ZFAND6: variants seen among roughly 807,000 people sequenced by gnomAD.
ZFAND6 encodes zinc finger AN1-type containing 6.
In ZFAND6, 12 loss-of-function variants were observed where a neutral mutation model predicts 24.5. The ratio of observed to expected loss-of-function variants is 0.49; its 90% CI spans 0.31 to 0.79. ZFAND6 has a LOEUF of 0.79. Ranked by LOEUF, ZFAND6 falls within the 30% of genes least tolerant of loss-of-function variation. The pLI, the probability that ZFAND6 is intolerant of heterozygous loss-of-function variation, is 0.04. For synonymous variants in ZFAND6, 92 were observed against 81.5 expected, an observed-to-expected ratio of 1.13 and a Z score of -0.69; for missense variants, 207 against 245.9, an observed-to-expected ratio of 0.84 and a Z score of 1.06.
chr15:80,068,139 TTTTG>T lies in ZFAND6; in HGVS notation c.-181+8350_-181+8353del, dbSNP rs1555426708. ...ACCGCGCCTGGCCTGTTTTTTTTTTTTTTGTTTGTTTGTTTGTTTGTTTTTGAGA... is the reference window on the plus strand; with the variant it reads ...ACCGCGCCTGGCCTGTTTTTTTTTTTTTTGTTTGTTTGTTTGTTTTTGAGA... On this transcript the variant is annotated intron_variant, in intron 1 of 6. Transcript: ENST00000261749. Among the ~76,000 whole-genome samples the T allele has an allele frequency of 8.0e-5, 11 of 136,960 alleles. No homozygotes were observed. The East Asian group carries it at 2.1e-3, about 26-fold the overall frequency. The allele number at this position is 136,960 out of a possible 152,430, so 89.9% of individuals were successfully genotyped here.
chr15:80,081,345 A>G (rs2037655601), intron 1 of ZFAND6, among the ~76,000 whole-genome samples: 1 of 152,192 alleles, frequency 6.6e-6, no homozygotes, highest in Non-Finnish European at 1.5e-5. Context: ...ACTGTTTGAT[A>G]AAAGTAGGGG....
At chr15:80,088,909 CCTT>C (rs1349629908) in intron 1 of ZFAND6, among the ~76,000 whole-genome samples, 1 of 152,076 alleles carries the variant, frequency 6.6e-6, no homozygotes, top group East Asian at 1.9e-4. Context: ...TTCTAGATTC[CCTT>C]CTTTCCCAAC....
rs147540187 is a variant in ZFAND6 at position 80,082,296 on chromosome 15, A to G, written c.-180-16120A>G. On this transcript the variant is annotated intron_variant, in intron 1 of 6. Transcript: ENST00000261749. ...GACACATTAACTTTAAGTTCTCACA[A>G]TATCATGAGATGGGTATTATTGTTG... is the stretch of plus-strand genomic sequence containing the variant. 3.8e-3 allele frequency among the ~76,000 whole-genome samples: 572 copies of G among 152,352 alleles called. 6 individuals are homozygous for G. The highest frequency in any genetic ancestry group is 0.013 in the African/African-American group (530 of 41,586).
chr15:80,113,325 C>T (rs556869454), intron 2 of ZFAND6, among the ~76,000 whole-genome samples: 16 of 152,274 alleles, frequency 1.1e-4, no homozygotes, highest in Middle Eastern at 3.4e-3. Flanking sequence ...TCTGGAATTA[C>T]GTGACATTCC....
At chr15:80,063,905 C>G (rs1230858853) in intron 1 of ZFAND6, among the ~76,000 whole-genome samples, 1 of 152,140 alleles carries the variant, frequency 6.6e-6, no homozygotes, top group African/African-American at 2.4e-5. Context: ...CCAGGCTGGT[C>G]TTGAACTCCT....
intron 1 of ZFAND6, among the ~76,000 whole-genome samples, chr15:80,097,540 T>G (rs1174912321): frequency 6.6e-6 from 1 of 151,994 alleles, no homozygotes; most frequent in East Asian, 1.9e-4. Context: ...TCCCAGCTAC[T>G]CAGGTGACTG....
chr15:80,090,554 C>T (rs2038294089), intron 1 of ZFAND6, among the ~76,000 whole-genome samples: 2 of 152,354 alleles, frequency 1.3e-5, no homozygotes, highest in East Asian at 3.9e-4. Flanking sequence ...GCAATTCTGA[C>T]TTACCTACTA....
intron 1 of ZFAND6, among the ~76,000 whole-genome samples, chr15:80,089,250 AGT>A (rs1304908584): frequency 1.7e-5 from 2 of 120,276 alleles, no homozygotes; most frequent in Non-Finnish European, 3.4e-5. Context: ...TTCGTGTGTG[AGT>A]GTGTGTGTTT....
intron 1 of ZFAND6, among the ~76,000 whole-genome samples, chr15:80,066,319 TA>T (rs57890328): frequency 0.045 from 5,891 of 130,384 alleles, 314 homozygotes; most frequent in East Asian, 0.24. Context: ...TATCGAAACA[TA>T]AAAAAAAAAA....
intron 1 of ZFAND6, among the ~76,000 whole-genome samples, chr15:80,093,719 T>G (rs1221609000): frequency 6.6e-6 from 1 of 152,156 alleles, no homozygotes; most frequent in Non-Finnish European, 1.5e-5. Flanking sequence ...GAGAAAAACT[T>G]TGTTTCAAAA....
At chr15:80,099,338 G>C (rs976612937) in intron 2 of ZFAND6, among the ~76,000 whole-genome samples, 1 of 152,034 alleles carries the variant, frequency 6.6e-6, no homozygotes, top group Admixed American at 6.6e-5. Flanking sequence ...TCTCTCTTTA[G>C]AAGAATGCAT....
At chr15:80,093,148 G>A (rs1203504539) in intron 1 of ZFAND6, among the ~76,000 whole-genome samples, 1 of 151,616 alleles carries the variant, frequency 6.6e-6, no homozygotes, top group Non-Finnish European at 1.5e-5. Flanking sequence ...TGTGTTTTTA[G>A]TAGAGTCGGG....
At chr15:80,065,570 G>A (rs2036586987) in intron 1 of ZFAND6, among the ~76,000 whole-genome samples, 2 of 102,934 alleles carry the variant, frequency 1.9e-5, no homozygotes, top group African/African-American at 7.6e-5. Flanking sequence ...TTTGGAGACA[G>A]AGTCTTACTC....
intron 6 of ZFAND6, 90 bp from the exon 7 acceptor site, chr15:80,137,390 C>T (rs2040912735): frequency 7.1e-7 from 1 of 1,413,734 alleles, no homozygotes; most frequent in East Asian, 2.6e-5. Flanking sequence ...CATTGCTGCC[C>T]TAAATATATT....
Position 80,133,980 on chromosome 15 carries a change from G to A in ZFAND6, c.478+2687G>A, listed in dbSNP as rs185175168. Among the ~76,000 whole-genome samples, 25 of 149,974 alleles carry A rather than the reference G, an allele frequency of 1.7e-4. No homozygotes were observed. The East Asian group carries it at 4.5e-3, about 27-fold the overall frequency. ...TGCTAGTAAGGGACTGCCTTTTAAA[G>A]TTGTTGGGTTTTTTTTTTTTTTTTG... is the stretch of plus-strand genomic sequence containing the variant. On this transcript the variant is annotated intron_variant, in intron 6 of 6. Coordinates refer to ENST00000261749, the MANE Select transcript of ZFAND6 (RefSeq NM_019006.4).
intron 6 of ZFAND6, among the ~76,000 whole-genome samples, chr15:80,133,281 C>T (rs2040700186): frequency 6.6e-6 from 1 of 151,808 alleles, no homozygotes. Flanking sequence ...TAACCTCCGC[C>T]TCCTGGGTTC....
intron 1 of ZFAND6, chr15:80,073,152 G>A (rs2037071392): frequency 5.9e-6 from 1 of 170,612 alleles, no homozygotes; most frequent in African/African-American, 2.4e-5. Context: ...ACAATATGTT[G>A]ACATTTTTAA....
At chr15:80,072,389 T>A (rs1596191955) in intron 1 of ZFAND6, among the ~76,000 whole-genome samples, 3 of 152,236 alleles carry the variant, frequency 2.0e-5, no homozygotes, top group South Asian at 4.1e-4. Context: ...ATGTACTGTT[T>A]CTTTAAGAAA....
rs1425997984 is a variant in ZFAND6 at position 80,138,238 on chromosome 15, T to C, written c.*610T>C. The C allele has an allele frequency of 4.6e-5, 7 of 152,696 alleles. No homozygotes were observed. The highest frequency in any genetic ancestry group is 8.8e-5 in the Non-Finnish European group (6 of 68,058). The allele number at this position is 152,696 out of a possible 1,614,324, so 9.5% of individuals were successfully genotyped here. ...TTTTGAGCGAGGGAAGAAAAAGCTGTATGCATTTCATTGCTGTCTACAGGT... is the reference window on the plus strand; with the variant it reads ...TTTTGAGCGAGGGAAGAAAAAGCTGCATGCATTTCATTGCTGTCTACAGGT... On this transcript the variant is annotated 3_prime_UTR_variant, in exon 7 of 7. Transcript: ENST00000261749.
Sources: allele counts gnomAD v4.1 joint callset (sites outside exome capture counted in the v4.1 genomes callset), GRCh38; gene constraint gnomAD v4.1.1; transcripts MANE v1.5; gene names NCBI Gene and HGNC (gene_info 2026-07-23, HGNC 2026-07-21).